Variants in GLYATL1 observed in about 807,000 individuals in gnomAD.
The protein encoded by GLYATL1 is glycine N-acyltransferase-like protein 1.
GLYATL1 carries 15 observed loss-of-function variants against 20.0 expected under a neutral mutation model. The observed-to-expected ratio is 0.75, with a 90% confidence interval of 0.50 to 1.15. The LOEUF is 1.15. Among genes scored for constraint, GLYATL1 ranks in the 50% most tolerant of loss-of-function variants. GLYATL1 has a pLI of 0.00. For synonymous variants in GLYATL1, 151 were observed against 131.5 expected (o/e 1.15, Z -1.01); for missense variants, 380 against 368.5 (o/e 1.03, Z -0.26).
At chr11:58,946,355 A>G (rs1005361160) in intron 2 of GLYATL1, among the ~76,000 whole-genome samples, 3 of 152,256 alleles carry the variant, frequency 2.0e-5, no homozygotes, top group African/African-American at 7.2e-5. Flanking sequence ...GCAACTTAAC[A>G]AAGAAGTATG....
chr11:58,942,227 C>T (rs1590792989), intron 1 of GLYATL1, among the ~76,000 whole-genome samples: 1 of 152,180 alleles, frequency 6.6e-6, no homozygotes, highest in Non-Finnish European at 1.5e-5. Flanking sequence ...TAATGAACTG[C>T]AAGCAAACCT....
upstream of GLYATL1, among the ~76,000 whole-genome samples, chr11:58,923,921 A>C (rs1332903982): frequency 6.6e-6 from 1 of 151,946 alleles, no homozygotes; most frequent in African/African-American, 2.4e-5. Flanking sequence ...AAGCCCTTTT[A>C]TTTCTTTCTC....
At chr11:58,909,710 T>C (rs1854992830), downstream of GLYATL1, among the ~76,000 whole-genome samples, 2 of 152,184 alleles carry the variant, frequency 1.3e-5, no homozygotes, top group Non-Finnish European at 2.9e-5. Context: ...CAAATAATGC[T>C]TTCTAGACTG....
In GLYATL1 at chr11:58,955,879, A is replaced by G. The variant is rs1857382036; in HGVS notation, c.761A>G (p.Tyr254Cys). Residue 254 changes from tyrosine to cysteine, a missense_variant, in exon 7 of 7, where the codon TAT becomes TGT. By Grantham distance (194) the Tyr-to-Cys change is radical. Transcript: ENST00000532726. ...CGAGTGATGGTGCGATACATGAAAT[A>G]TCTGCGTCAGAAGAATATTCCATTT... Reference protein sequence around the residue: ...MARVMVRYMKYLRQKNIPFYI... With the variant: ...MARVMVRYMKCLRQKNIPFYI... The G allele has an allele frequency of 6.2e-7, 1 of 1,614,248 alleles. No individual in the cohort carries two copies. Among genetic ancestry groups the G allele is most frequent in the Non-Finnish European group, 8.5e-7 (1 of 1,180,048 alleles).
intron 2 of GLYATL1, among the ~76,000 whole-genome samples, chr11:58,946,159 T>A (rs143793392): frequency 5.3e-4 from 81 of 152,340 alleles, no homozygotes; most frequent in South Asian, 8.3e-4. Flanking sequence ...CTATATGACA[T>A]GTTGATTAAT....
chr11:58,905,529 GA>G (rs1031672723), exon 1 of GLYATL1: 1 of 456,256 alleles, frequency 2.2e-6, no homozygotes, highest in African/African-American at 2.0e-5. Context: ...TCAAAAGGCG[GA>G]AAAAGCGCGA....
At chr11:58,936,793 G>C (rs1453573074), upstream of GLYATL1, among the ~76,000 whole-genome samples, 1 of 152,176 alleles carries the variant, frequency 6.6e-6, no homozygotes, top group African/African-American at 2.4e-5. Context: ...AGCCAAGAAA[G>C]CATGTCCTGT....
chr11:58,939,910 G>A (rs1461705049), intron 1 of GLYATL1, among the ~76,000 whole-genome samples: 1 of 152,146 alleles, frequency 6.6e-6, no homozygotes, highest in East Asian at 1.9e-4. Flanking sequence ...TGATTTGCAG[G>A]TTGATTGAGC....
chr11:58,908,279 A>G (rs1854955581), exon 2 of GLYATL1: 1 of 152,284 alleles, frequency 6.6e-6, no homozygotes, highest in Non-Finnish European at 1.5e-5. Context: ...GGGTTACCGC[A>G]TATGATTTTC....
chr11:58,938,599 C>G (rs1327075200), upstream of GLYATL1, among the ~76,000 whole-genome samples: 1 of 152,144 alleles, frequency 6.6e-6, no homozygotes, highest in Non-Finnish European at 1.5e-5. Context: ...CCGGAGAGCC[C>G]TGAGGTTGTG....
intron 2 of GLYATL1, among the ~76,000 whole-genome samples, chr11:58,945,232 T>C (rs992406250): frequency 6.6e-6 from 1 of 152,080 alleles, no homozygotes; most frequent in Non-Finnish European, 1.5e-5. Context: ...GTGTTATGTG[T>C]CCTTTACAAC....
chr11:58,924,659 T>C, upstream of GLYATL1, among the ~76,000 whole-genome samples: 1 of 152,232 alleles, frequency 6.6e-6, no homozygotes, highest in Non-Finnish European at 1.5e-5. Flanking sequence ...TCACTGCTCT[T>C]ATTCCGGCTT....
intron 1 of GLYATL1, chr11:58,928,204 T>C (rs1417641836): frequency 6.6e-6 from 1 of 152,206 alleles, no homozygotes; most frequent in Non-Finnish European, 1.5e-5. Flanking sequence ...GCTGTTGTAA[T>C]ACTTTTATAT....
intron 3 of GLYATL1, 39 bp from the exon 4 acceptor site, chr11:58,947,819 G>T (rs747935756): frequency 1.5e-6 from 2 of 1,358,446 alleles, no homozygotes; most frequent in Admixed American, 1.7e-5. Flanking sequence ...CATCTCTGGG[G>T]ATCTCAACCT....
upstream of GLYATL1, among the ~76,000 whole-genome samples, chr11:58,937,802 C>G (rs1855901764): frequency 6.6e-6 from 1 of 152,154 alleles, no homozygotes; most frequent in Non-Finnish European, 1.5e-5. Flanking sequence ...GCTGCTGCAT[C>G]CCAGTTTCAC....
At chr11:58,915,672 G>A (rs1445167031) in intron 1 of GLYATL1, among the ~76,000 whole-genome samples, 1 of 152,212 alleles carries the variant, frequency 6.6e-6, no homozygotes, top group Non-Finnish European at 1.5e-5. Flanking sequence ...TGATTCTGAT[G>A]CAGAATGATG....
At chr11:58,954,128 A>C (rs2135272443) in intron 4 of GLYATL1, among the ~76,000 whole-genome samples, 1 of 152,382 alleles carries the variant, frequency 6.6e-6, no homozygotes, top group East Asian at 1.9e-4. Flanking sequence ...TATTCACTAA[A>C]GTATCTTGCT....
intron 1 of GLYATL1, among the ~76,000 whole-genome samples, chr11:58,931,426 G>C (rs1855597022): frequency 6.6e-6 from 1 of 152,206 alleles, no homozygotes; most frequent in Non-Finnish European, 1.5e-5. Context: ...AGGGGACACA[G>C]TTCAACCCAT....
chr11:58,905,564 C>T, exon 1 of GLYATL1: 1 of 456,328 alleles, frequency 2.2e-6, no homozygotes, highest in Non-Finnish European at 4.4e-6. Context: ...CTCCCATACC[C>T]ACCCGGCTGC....
Sources: allele counts gnomAD v4.1 joint callset (sites outside exome capture counted in the v4.1 genomes callset), GRCh38; gene constraint gnomAD v4.1.1; transcripts MANE v1.5; gene names NCBI Gene and HGNC (gene_info 2026-07-23, HGNC 2026-07-21).